CYRIB: variants seen among roughly 807,000 people sequenced by gnomAD.
CYRIB encodes the protein CYFIP related Rac1 interactor B, also known as CYFIP-related Rac1 interactor B.
In CYRIB, 8 loss-of-function variants were observed where a neutral mutation model predicts 44.2. That is an observed-to-expected ratio of 0.18 (90% confidence interval 0.11 to 0.33). CYRIB has a LOEUF of 0.33. Among genes scored for constraint, CYRIB ranks in the 10% least tolerant of loss-of-function variants. CYRIB has a pLI of 1.00. For synonymous variants in CYRIB, 131 were observed against 127.2 expected (o/e 1.03, Z -0.20); for missense variants, 185 against 382.8 (o/e 0.48, Z 4.31).
intron 3 of CYRIB, among the ~76,000 whole-genome samples, chr8:129,875,207 C>T (rs1286150874): frequency 6.6e-6 from 1 of 151,506 alleles, no homozygotes; most frequent in Non-Finnish European, 1.5e-5. Context: ...TAAATTAACA[C>T]TGTTGTTATA....
intron 1 of CYRIB, among the ~76,000 whole-genome samples, chr8:129,908,530 T>G (rs996331410): frequency 6.6e-6 from 1 of 152,170 alleles, no homozygotes; most frequent in African/African-American, 2.4e-5. Flanking sequence ...TTTTCCTTTG[T>G]AAAAGAGCAA....
chr8:129,935,910 T>C (rs888699011), intron 1 of CYRIB, among the ~76,000 whole-genome samples: 1 of 152,200 alleles, frequency 6.6e-6, no homozygotes, highest in Non-Finnish European at 1.5e-5. Flanking sequence ...TTGCAAGAAA[T>C]GTTTATATTT....
intron 1 of CYRIB, among the ~76,000 whole-genome samples, chr8:129,980,288 T>C (rs2096169338): frequency 6.6e-6 from 1 of 151,932 alleles, no homozygotes; most frequent in South Asian, 2.1e-4. Context: ...TGCAGCTCTA[T>C]GTCCAAGTGA....
chr8:129,971,878 A>G (rs2095706902), intron 1 of CYRIB, among the ~76,000 whole-genome samples: 1 of 152,214 alleles, frequency 6.6e-6, no homozygotes, highest in South Asian at 2.1e-4. Context: ...GTTTCATAAA[A>G]CCACAGTTAA....
At chr8:129,909,815 C>T (rs1188606421) in intron 1 of CYRIB, among the ~76,000 whole-genome samples, 1 of 152,230 alleles carries the variant, frequency 6.6e-6, no homozygotes, top group African/African-American at 2.4e-5. Flanking sequence ...CCTGGCTGTG[C>T]ATACACATGC....
intron 1 of CYRIB, among the ~76,000 whole-genome samples, chr8:130,011,325 G>T (rs527861150): frequency 1.3e-5 from 2 of 150,608 alleles, no homozygotes; most frequent in African/African-American, 4.9e-5. Flanking sequence ...GTTCGAGACC[G>T]GCCTGGCCAA....
intron 3 of CYRIB, among the ~76,000 whole-genome samples, chr8:129,877,789 A>G (rs2059638645): frequency 6.6e-6 from 1 of 152,106 alleles, no homozygotes; most frequent in African/African-American, 2.4e-5. Context: ...CCACTTGACC[A>G]TAACATAATA....
chr8:129,962,575 T>C (rs2095310350), intron 2 of CYRIB, among the ~76,000 whole-genome samples: 1 of 152,166 alleles, frequency 6.6e-6, no homozygotes, highest in Non-Finnish European at 1.5e-5. Context: ...CCTTTACGTT[T>C]GGAAACAGCT....
chr8:129,959,681 A>G (rs896871689), intron 2 of CYRIB, among the ~76,000 whole-genome samples: 1 of 152,158 alleles, frequency 6.6e-6, no homozygotes, highest in Non-Finnish European at 1.5e-5. Flanking sequence ...CCATCTTTGT[A>G]CGCCAATCCT....
chr8:129,922,867 A>C (rs530900258), intron 1 of CYRIB, among the ~76,000 whole-genome samples: 194 of 151,368 alleles, frequency 1.3e-3, no homozygotes, highest in African/African-American at 4.2e-3. Flanking sequence ...CGTCTCCAAA[A>C]AAAAAACAAA....
chr8:129,962,303 C>G (rs1215173163), intron 2 of CYRIB, among the ~76,000 whole-genome samples: 2 of 151,908 alleles, frequency 1.3e-5, no homozygotes, highest in Admixed American at 1.3e-4. Context: ...AAAAAATTAG[C>G]TAGGTGTGAT....
In CYRIB at chr8:129,854,656, G is replaced by A. The variant is rs1400240823; in HGVS notation, c.439-313C>T. Among the ~76,000 whole-genome samples the A allele has an allele frequency of 5.9e-5, 9 of 152,242 alleles. No homozygotes were observed. The East Asian group carries it at 1.5e-3, about 26-fold the overall frequency. The stretch of plus-strand genomic sequence containing the variant: ...TTAGGCACTTGTTTTTAGTTATTAC[G>A]ATAAAAGTATGTAGGTATGGTCAAC... On this transcript the variant is annotated intron_variant, in intron 6 of 11. Coordinates refer to ENST00000519824, the Ensembl canonical transcript of CYRIB.
chr8:129,848,724 A>T (rs1369159418), intron 10 of CYRIB, among the ~76,000 whole-genome samples: 1 of 147,772 alleles, frequency 6.8e-6, no homozygotes, highest in Non-Finnish European at 1.5e-5. Flanking sequence ...GTGTGCCACC[A>T]CACCTGGCTA....
At chr8:129,877,693 TG>T (rs1443284072) in intron 3 of CYRIB, among the ~76,000 whole-genome samples, 13 of 148,490 alleles carry the variant, frequency 8.8e-5, no homozygotes, top group Middle Eastern at 3.6e-3. Context: ...TGTGTGTGTG[TG>T]TGTATAAAAT....
chr8:129,952,912 T>C lies in CYRIB; in HGVS notation c.-243+18031A>G, dbSNP rs181706720. On this transcript the variant is annotated intron_variant, in intron 2 of 14. Coordinates refer to the CYRIB transcript ENST00000401979. ...TAACTGCCTCAATCCACAGAAGCTT[T>C]GGTAAATTTTAGCACAAAGGAACAC... Among the ~76,000 whole-genome samples, 70 of 152,330 alleles carry C rather than the reference T, an allele frequency of 4.6e-4. No homozygotes were observed. In the South Asian group the frequency reaches 0.01, roughly 22 times the overall value.
intron 9 of CYRIB, chr8:129,849,688 T>G (rs938984708): frequency 2.4e-5 from 5 of 209,730 alleles, no homozygotes; most frequent in Non-Finnish European, 2.9e-5. Context: ...CCCAGAGATA[T>G]GAGAAGATGG....
upstream of CYRIB, among the ~76,000 whole-genome samples, chr8:130,016,849 G>A (rs568236080): frequency 3.3e-5 from 5 of 152,146 alleles, no homozygotes; most frequent in South Asian, 1.0e-3. Flanking sequence ...CGCGGGGCGC[G>A]CTGCGATTGG....
At position 129,964,486 on chromosome 8, in the gene CYRIB, T is replaced by A. The variant is rs2131874343; in HGVS notation, c.-243+6457A>T. Among the ~76,000 whole-genome samples the A allele has an allele frequency of 3.3e-5, 5 of 152,314 alleles. No homozygotes were observed. In the South Asian group the frequency reaches 1.0e-3, roughly 32 times the overall value. ...CTCAGATTTCTATGAAGCAGCTGGG[T>A]TACCCGTTTCCAAAACACCTTGCAG... On this transcript the variant is annotated intron_variant, in intron 2 of 14. Transcript: ENST00000401979.
At chr8:129,892,898 G>T (rs1050767121) in intron 2 of CYRIB, among the ~76,000 whole-genome samples, 2 of 152,172 alleles carry the variant, frequency 1.3e-5, no homozygotes, top group African/African-American at 4.8e-5. Context: ...TATACAGGGG[G>T]AGACAATCAT....
Sources: gnomAD v4.1 joint callset for allele counts (sites outside exome capture counted in the v4.1 genomes callset) on GRCh38, gnomAD v4.1.1 for gene constraint, MANE v1.5 for transcripts, NCBI Gene and HGNC (gene_info 2026-07-23, HGNC 2026-07-21) for gene names.